Variants in SMOC1 observed in about 807,000 individuals in gnomAD.
SMOC1 encodes SPARC-related modular calcium-binding protein 1.
A neutral mutation model predicts 56.3 loss-of-function variants in SMOC1; 22 were observed. The observed-to-expected ratio is 0.39, with a 90% confidence interval of 0.28 to 0.56. The LOEUF (loss-of-function observed/expected upper bound fraction) is 0.56, where lower values mean the gene tolerates loss of function less well. Among genes scored for constraint, SMOC1 ranks in the 20% least tolerant of loss-of-function variants. The pLI is 0.61. For missense variants in SMOC1, 509 were observed against 565.4 expected (o/e 0.90, Z 1.01); for synonymous variants, 193 against 215.0 (o/e 0.90, Z 0.89).
At chr14:69,947,379 A>G (rs953552815) in intron 1 of SMOC1, among the ~76,000 whole-genome samples, 3 of 152,092 alleles carry the variant, frequency 2.0e-5, no homozygotes, top group Non-Finnish European at 2.9e-5. Context: ...TCTGTTGCCC[A>G]GGCTGGTCTT....
At chr14:69,996,548 C>A (rs960702331) in intron 7 of SMOC1, among the ~76,000 whole-genome samples, 1 of 152,250 alleles carries the variant, frequency 6.6e-6, no homozygotes, top group Non-Finnish European at 1.5e-5. Context: ...CTTCTGCTTT[C>A]ATTCCTACTC....
At chr14:69,882,472 G>A (rs1176313705) in intron 1 of SMOC1, among the ~76,000 whole-genome samples, 1 of 152,128 alleles carries the variant, frequency 6.6e-6, no homozygotes. Flanking sequence ...TTTGACTCTG[G>A]AAACCAGCGG....
At chr14:70,007,237 G>A (rs2139579517) in intron 7 of SMOC1, among the ~76,000 whole-genome samples, 1 of 152,234 alleles carries the variant, frequency 6.6e-6, no homozygotes, top group South Asian at 2.1e-4. Flanking sequence ...TGTTCAATGA[G>A]GATAACAACA....
intron 7 of SMOC1, among the ~76,000 whole-genome samples, chr14:70,002,668 G>A (rs1218030512): frequency 1.3e-5 from 2 of 152,230 alleles, no homozygotes; most frequent in African/African-American, 4.8e-5. Flanking sequence ...GCAGGGCAGA[G>A]TCGGCCCAGC....
chr14:69,932,192 C>A (rs1240473865), intron 1 of SMOC1, among the ~76,000 whole-genome samples: 5 of 152,232 alleles, frequency 3.3e-5, no homozygotes, highest in African/African-American at 1.2e-4. Context: ...ACGAGTCCAC[C>A]AGCGGGGTGC....
chr14:69,978,518 G>T (rs995120899), intron 5 of SMOC1, among the ~76,000 whole-genome samples: 2 of 152,206 alleles, frequency 1.3e-5, no homozygotes. Context: ...CAGTGAAGAT[G>T]CGAGTGAGTG....
chr14:69,989,793 A>G (rs1326244893), intron 5 of SMOC1, among the ~76,000 whole-genome samples: 2 of 152,140 alleles, frequency 1.3e-5, no homozygotes, highest in East Asian at 3.9e-4. Flanking sequence ...AGCAGAACTG[A>G]TGTAGACCTT....
In SMOC1 at chr14:69,994,033, C is replaced by T. The variant is rs10129698; in HGVS notation, c.584-367C>T. ...AGAATGGTCTCTGTGGTTTGTTTGG[C>T]GTTCGTTTGTTGATTTATCCCCTTT... On this transcript the variant is annotated intron_variant, in intron 6 of 11. Transcript: ENST00000361956. Among the ~76,000 whole-genome samples, 754 of 152,298 alleles carry T rather than the reference C, an allele frequency of 5.0e-3. 4 individuals are homozygous for T. The highest frequency in any genetic ancestry group is 0.017 in the African/African-American group (694 of 41,550).
intron 10 of SMOC1, among the ~76,000 whole-genome samples, chr14:70,016,299 G>A (rs1475422624): frequency 2.0e-5 from 3 of 152,138 alleles, no homozygotes; most frequent in East Asian, 1.9e-4. Context: ...TATTTTAAGC[G>A]TCATTTAGAG....
intron 3 of SMOC1, among the ~76,000 whole-genome samples, chr14:69,969,512 A>G (rs1389167267): frequency 6.6e-6 from 1 of 152,124 alleles, no homozygotes. Flanking sequence ...CAGATCTCAC[A>G]AGAACTCACC....
chr14:69,913,146 T>C (rs111304888), intron 1 of SMOC1, among the ~76,000 whole-genome samples: 2,924 of 152,244 alleles, frequency 0.019, 95 homozygotes, highest in African/African-American at 0.067. Context: ...CTTCAAAGCC[T>C]TTGGCACCTT....
chr14:69,919,686 T>A (rs12586447), intron 1 of SMOC1, among the ~76,000 whole-genome samples: 16 of 152,184 alleles, frequency 1.1e-4, no homozygotes, highest in Non-Finnish European at 1.9e-4. Flanking sequence ...TCATCAAAGC[T>A]GCAATGGGAG....
chr14:70,013,568 G>A (rs571743674), intron 10 of SMOC1, 77 bp downstream of exon 10: 1 of 1,229,454 alleles, frequency 8.1e-7, no homozygotes, highest in Non-Finnish European at 1.2e-6. Context: ...GGGAGGGTGA[G>A]AGAGTGGGCA....
chr14:69,925,540 A>G lies in SMOC1; in HGVS notation c.100-26598A>G, dbSNP rs1323704344. 4.6e-5 allele frequency among the ~76,000 whole-genome samples: 7 copies of G among 152,178 alleles called. No homozygotes were observed. The South Asian group carries it at 1.2e-3, about 27-fold the overall frequency. On this transcript the variant is annotated intron_variant, in intron 1 of 11. Coordinates refer to ENST00000361956, the MANE Select transcript of SMOC1 (RefSeq NM_001034852.3). ...TTCAGAGCACAGATTACCACCCGAC[A>G]TTGTTTTATCCATTTATGTGTGTGC...
intron 1 of SMOC1, among the ~76,000 whole-genome samples, chr14:69,944,524 C>A (rs754338506): frequency 5.9e-5 from 9 of 152,122 alleles, no homozygotes; most frequent in Non-Finnish European, 1.3e-4. Context: ...CCATTATTTA[C>A]GATGTTGAGG....
At chr14:69,970,012 G>A (rs1353103316) in intron 3 of SMOC1, among the ~76,000 whole-genome samples, 1 of 152,094 alleles carries the variant, frequency 6.6e-6, no homozygotes, top group Non-Finnish European at 1.5e-5. Flanking sequence ...TGGTAGGAGA[G>A]TGAAAGAAGA....
chr14:69,896,220 G>T (rs543372503), intron 1 of SMOC1, among the ~76,000 whole-genome samples: 1 of 152,306 alleles, frequency 6.6e-6, no homozygotes, highest in African/African-American at 2.4e-5. Flanking sequence ...AATGCTGGAG[G>T]ATAGAAGTCT....
At chr14:69,990,140 G>A (rs1884509864) in intron 5 of SMOC1, among the ~76,000 whole-genome samples, 1 of 152,198 alleles carries the variant, frequency 6.6e-6, no homozygotes, top group Admixed American at 6.5e-5. Context: ...ATCTGTGGAG[G>A]TCCTTGACCT....
chr14:69,965,046 A>G (rs188154595), intron 3 of SMOC1, among the ~76,000 whole-genome samples: 7 of 152,320 alleles, frequency 4.6e-5, no homozygotes, highest in Non-Finnish European at 1.0e-4. Flanking sequence ...TGTGAGGAAT[A>G]TCCAATGGAG....
Sources: allele counts gnomAD v4.1 joint callset (sites outside exome capture counted in the v4.1 genomes callset), GRCh38; gene constraint gnomAD v4.1.1; transcripts MANE v1.5; gene names NCBI Gene and HGNC (gene_info 2026-07-23, HGNC 2026-07-21).